The following FOLR2 variants were observed in gnomAD, a reference collection of about 807,000 sequenced individuals.
FOLR2 encodes the protein folate receptor beta, also known as folate receptor 2 (fetal).
FOLR2 carries 14 observed loss-of-function variants against 20.4 expected under a neutral mutation model. The ratio of observed to expected loss-of-function variants is 0.68; its 90% CI spans 0.45 to 1.07. The LOEUF is 1.07. Ranked by LOEUF, FOLR2 falls within the 50% of genes least tolerant of loss-of-function variation. The pLI, the probability that FOLR2 is intolerant of heterozygous loss-of-function variation, is 0.00. For synonymous variants in FOLR2, 114 were observed against 114.3 expected, an observed-to-expected ratio of 1.00 and a Z score of 0.02; for missense variants, 269 against 322.6, an observed-to-expected ratio of 0.83 and a Z score of 1.27.
At position 72,221,637 on chromosome 11, in the gene FOLR2, C is replaced by A. The variant is rs757091037; in HGVS notation, c.643C>A (p.Pro215Thr). 6.2e-7 allele frequency: 1 copy of A among 1,614,194 alleles called. No individual in the cohort carries two copies. The highest frequency in any genetic ancestry group is 8.5e-7 in the Non-Finnish European group (1 of 1,180,036). The change falls in exon 5 of 5, where the codon CCC becomes ACC. Residue 215 changes from proline to threonine, a missense_variant. Pro to Thr is a conservative substitution (Grantham distance 38). Coordinates refer to ENST00000298223, the MANE Select transcript of FOLR2 (RefSeq NM_000803.5). ...GTGGTTTGATTCAGCCCAGGGCAAC[C>A]CCAACGAGGAAGTGGCGAGGTTCTA... The part of the protein sequence containing the change: ...QMWFDSAQGN[P>T]NEEVARFYAA...
intron 1 of FOLR2, chr11:72,217,190 A>G: frequency 2.0e-6 from 1 of 511,698 alleles, no homozygotes; most frequent in Non-Finnish European, 3.5e-6. Context: ...TCGCCTGGCT[A>G]ATTTTTGTAT....
At chr11:72,219,976 T>C (rs1948456313) in intron 2 of FOLR2, among the ~76,000 whole-genome samples, 1 of 152,004 alleles carries the variant, frequency 6.6e-6, no homozygotes, top group South Asian at 2.1e-4. Flanking sequence ...GCCTCCCAAG[T>C]AGCTGGGGCA....
chr11:72,221,194 A>G lies in FOLR2; in HGVS notation c.358A>G (p.Lys120Glu), dbSNP rs1948485424. Reference protein sequence around the residue: ...WIQQVNQSWRKERFLDVPLCK... With the variant: ...WIQQVNQSWREERFLDVPLCK... ...CACCCAGGTGAATCAGAGCTGGCGC[A>G]AAGAACGCTTCCTGGATGTGCCCTT... is the stretch of plus-strand genomic sequence containing the variant. The change falls in exon 4 of 5, where the codon AAA becomes GAA. Residue 120 changes from lysine (K) to glutamate (E), a missense_variant. By Grantham distance (56) the Lys-to-Glu change is moderately conservative. Coordinates refer to ENST00000298223, the MANE Select transcript of FOLR2 (RefSeq NM_000803.5). The G allele has an allele frequency of 1.2e-6, 2 of 1,612,958 alleles. No homozygotes were observed. Among genetic ancestry groups the G allele is most frequent in the East Asian group, 4.5e-5 (2 of 44,840 alleles).
chr11:72,221,709 G>A lies in FOLR2; in HGVS notation c.715G>A (p.Gly239Arg). 6.2e-7 allele frequency: 1 copy of A among 1,614,048 alleles called. No homozygotes were observed. The highest frequency in any genetic ancestry group is 8.5e-7 in the Non-Finnish European group (1 of 1,179,918). The stretch of plus-strand genomic sequence containing the variant: ...TGCTGGTGAGATGCTTCATGGGACT[G>A]GGGGTCTCCTGCTCAGTCTGGCCCT... Reference protein sequence around the residue: ...VNAGEMLHGTGGLLLSLALML... With the variant: ...VNAGEMLHGTRGLLLSLALML... The change falls in exon 5 of 5, where the codon GGG becomes AGG. Residue 239 changes from glycine to arginine, a missense_variant. Physicochemically the swap from Gly to Arg is moderately radical, Grantham distance 125. Coordinates refer to ENST00000298223, the MANE Select transcript of FOLR2 (RefSeq NM_000803.5).
At chr11:72,219,021 G>A (rs1487374715) in intron 2 of FOLR2, among the ~76,000 whole-genome samples, 1 of 152,238 alleles carries the variant, frequency 6.6e-6, no homozygotes, top group Non-Finnish European at 1.5e-5. Flanking sequence ...GTTCTTGGAT[G>A]TAGGTAGATG....
intron 2 of FOLR2, among the ~76,000 whole-genome samples, chr11:72,220,032 G>A (rs577791517): frequency 4.5e-4 from 69 of 152,106 alleles, no homozygotes; most frequent in African/African-American, 1.4e-3. Context: ...TACCAGAGAC[G>A]AGGTTTCACC....
Position 72,221,067 on chromosome 11 carries a change from T to TCGGGGGGGGGGGGGGGCCCCCCCCC in FOLR2, c.339+10_339+11insGGGGGGGGGGGGGGGCCCCCCCCCC. On this transcript the variant is annotated intron_variant, in intron 3 of 4. Coordinates refer to ENST00000298223, the MANE Select transcript of FOLR2 (RefSeq NM_000803.5). ...GGCCCTGGATCCAGCAGGTAGGGTG[T>TCGGGGGGGGGGGGGGGCCCCCCCCC]CTCCCCCCCACCCACCCCAGCAGAC... 3.2e-6 allele frequency: 5 copies of TCGGGGGGGGGGGGGGGCCCCCCCCC among 1,570,060 alleles called. No homozygotes were observed. The highest frequency in any genetic ancestry group is 4.3e-6 in the Non-Finnish European group (5 of 1,154,872).
chr11:72,218,434 G>A, intron 1 of FOLR2, 127 bp from the exon 2 acceptor site: 1 of 769,804 alleles, frequency 1.3e-6, no homozygotes. Flanking sequence ...GAGCTTCAGG[G>A]CCCCAGCATT....
intron 1 of FOLR2, among the ~76,000 whole-genome samples, chr11:72,217,978 T>A (rs1948420503): frequency 6.6e-6 from 1 of 152,110 alleles, no homozygotes; most frequent in Non-Finnish European, 1.5e-5. Context: ...AAGGAAAAAG[T>A]CTGAGGAAGC....
chr11:72,221,067 T>TCGGGGGGCCC lies in FOLR2; in HGVS notation c.339+10_339+11insGGGGGGCCCC. On this transcript the variant is annotated intron_variant, in intron 3 of 4. Coordinates refer to ENST00000298223, the MANE Select transcript of FOLR2 (RefSeq NM_000803.5). The stretch of plus-strand genomic sequence containing the variant: ...GGCCCTGGATCCAGCAGGTAGGGTG[T>TCGGGGGGCCC]CTCCCCCCCACCCACCCCAGCAGAC... 3 of 1,570,100 alleles carry TCGGGGGGCCC rather than the reference T, an allele frequency of 1.9e-6. No individual in the cohort carries two copies. Among genetic ancestry groups the TCGGGGGGCCC allele is most frequent in the Non-Finnish European group, 2.6e-6 (3 of 1,154,898 alleles).
Position 72,218,516 on chromosome 11 carries a change from C to A in FOLR2, c.-24-45C>A, listed in dbSNP as rs761894885. The A allele has an allele frequency of 2.6e-6, 4 of 1,537,812 alleles. No homozygotes were observed. In the Admixed American group the frequency reaches 7.6e-5, roughly 29 times the overall value. On this transcript the variant is annotated intron_variant, in intron 1 of 4. Coordinates refer to ENST00000298223, the MANE Select transcript of FOLR2 (RefSeq NM_000803.5). ...CTGAGGCAGGAGGTGAATGGGCTCC[C>A]AGCTTGGAGCCCTTTCCCCTCAGGA...
chr11:72,221,505 A>C lies in FOLR2; in HGVS notation c.511A>C (p.Thr171Pro), dbSNP rs1948493224. The C allele has an allele frequency of 6.2e-7, 1 of 1,613,738 alleles. No homozygotes were observed. Among genetic ancestry groups the C allele is most frequent in the Non-Finnish European group, 8.5e-7 (1 of 1,179,850 alleles). Residue 171 changes from threonine (T) to proline (P), a missense_variant, in exon 5 of 5, where the codon ACC becomes CCC. Physicochemically the swap from Thr to Pro is conservative, Grantham distance 38. Transcript: ENST00000298223. ...GTGCCCAGCTGGGGCTCTCTGCCGCACCTTTGAGTCCTACTTCCCCACTCC... is the reference window on the plus strand; with the variant it reads ...GTGCCCAGCTGGGGCTCTCTGCCGCCCCTTTGAGTCCTACTTCCCCACTCC... ...NKCPAGALCR[T>P]FESYFPTPAA...
rs1269883923 is a variant in FOLR2 at position 72,221,273 on chromosome 11, G to A, written c.437G>A (p.Cys146Tyr). 2 of 1,614,032 alleles carry A rather than the reference G, an allele frequency of 1.2e-6. No individual in the cohort carries two copies. Among genetic ancestry groups the A allele is most frequent in the Non-Finnish European group, 1.7e-6 (2 of 1,179,930 alleles). Residue 146 changes from cysteine to tyrosine, a missense_variant, in exon 4 of 5, where the codon TGC becomes TAC. Cys to Tyr is a radical substitution (Grantham distance 194). Coordinates refer to ENST00000298223, the MANE Select transcript of FOLR2 (RefSeq NM_000803.5). The part of the protein sequence containing the change: ...WWEDCHTSHT[C>Y]KSNWHRGWDW... Reference sequence around the variant, plus strand: ...GAGGATTGTCACACCTCCCACACGTGCAAGAGCAACTGGCACAGAGGATGG... The same window carrying A: ...GAGGATTGTCACACCTCCCACACGTACAAGAGCAACTGGCACAGAGGATGG...
chr11:72,221,623 C>T lies in FOLR2; in HGVS notation c.629C>T (p.Ser210Leu). Reference sequence around the variant, plus strand: ...CGCTGCATCCAGATGTGGTTTGATTCAGCCCAGGGCAACCCCAACGAGGAA... The same window carrying T: ...CGCTGCATCCAGATGTGGTTTGATTTAGCCCAGGGCAACCCCAACGAGGAA... Reference protein sequence around the residue: ...SGRCIQMWFDSAQGNPNEEVA... With the variant: ...SGRCIQMWFDLAQGNPNEEVA... Residue 210 changes from serine to leucine, a missense_variant, in exon 5 of 5, where the codon TCA becomes TTA. By Grantham distance (145) the Ser-to-Leu change is moderately radical (BLOSUM62 -2). Coordinates refer to ENST00000298223, the MANE Select transcript of FOLR2 (RefSeq NM_000803.5). 1 of 1,614,206 alleles carries T rather than the reference C, an allele frequency of 6.2e-7. No individual in the cohort carries two copies. Among genetic ancestry groups the T allele is most frequent in the Non-Finnish European group, 8.5e-7 (1 of 1,180,044 alleles).
In FOLR2 at chr11:72,221,940, T is replaced by G; in HGVS notation, c.*178T>G. On this transcript the variant is annotated 3_prime_UTR_variant, in exon 5 of 5. Transcript: ENST00000298223. ...CACTTCTAATAAACAGACTGTTTTC[T>G]AATAATTCCATGTCTGTGGAATTGT... 1 of 621,560 alleles carries G rather than the reference T, an allele frequency of 1.6e-6. No homozygotes were observed. Among genetic ancestry groups the G allele is most frequent in the South Asian group, 2.1e-5 (1 of 48,740 alleles). The allele number at this position is 621,560 out of a possible 1,614,324, so 38.5% of individuals were successfully genotyped here.
chr11:72,218,659 T>G lies in FOLR2; in HGVS notation c.75T>G (p.Thr25=), dbSNP rs777294095. Reference sequence around the variant, plus strand: ...CCATGTGCAGTGCCCAGGACAGGACTGATCTCCTCAATGTCTGTATGGATG... The same window carrying G: ...CCATGTGCAGTGCCCAGGACAGGACGGATCTCCTCAATGTCTGTATGGATG... ...VATMCSAQDR[T]DLLNVCMDAK... is the part of the protein sequence containing the mutation. Residue 25 remains threonine (T), a synonymous_variant, in exon 2 of 5, where the codon ACT becomes ACG. Transcript: ENST00000298223. 6.2e-6 allele frequency: 10 copies of G among 1,613,060 alleles called. No individual in the cohort carries two copies. Among genetic ancestry groups the G allele is most frequent in the Admixed American group, 3.3e-5 (2 of 59,870 alleles).
chr11:72,221,661 T>A lies in FOLR2; in HGVS notation c.667T>A (p.Tyr223Asn), dbSNP rs1591260257. The A allele has an allele frequency of 6.2e-7, 1 of 1,614,230 alleles. No homozygotes were observed. Among genetic ancestry groups the A allele is most frequent in the East Asian group, 2.2e-5 (1 of 44,886 alleles). The change falls in exon 5 of 5, where the codon TAT becomes AAT. Residue 223 changes from tyrosine (Y) to asparagine (N), a missense_variant. Transcript: ENST00000298223. ...CCCCAACGAGGAAGTGGCGAGGTTC[T>A]ATGCTGCAGCCATGCATGTGAATGC... ...GNPNEEVARF[Y>N]AAAMHVNAGE...
rs568731068 is a variant in FOLR2 at position 72,221,133 on chromosome 11, A to G, written c.340-43A>G. The G allele has an allele frequency of 3.0e-5, 45 of 1,513,858 alleles. No individual in the cohort carries two copies. The Admixed American group carries it at 4.7e-4, about 16-fold the overall frequency. 93.8% of individuals were successfully genotyped at this position (1,513,858 alleles called of 1,614,324 possible). ...TCACTTCAAGGCGATGGCTGCCAGC[A>G]TCCCTGGCTGAGAGGAGCCCTGCCT... On this transcript the variant is annotated intron_variant, in intron 3 of 4. Transcript: ENST00000298223.
intron 1 of FOLR2, chr11:72,217,426 C>G (rs1224050392): frequency 7.8e-7 from 1 of 1,283,688 alleles, no homozygotes. Context: ...GAGCCATGGT[C>G]AGTAAGTTTT....
Sources: allele counts gnomAD v4.1 joint callset (sites outside exome capture counted in the v4.1 genomes callset), GRCh38; gene constraint gnomAD v4.1.1; transcripts MANE v1.5; gene names NCBI Gene and HGNC (gene_info 2026-07-23, HGNC 2026-07-21).